LARP1: variants seen among roughly 807,000 people sequenced by gnomAD.
LARP1 encodes la-related protein 1.
In LARP1, 36 loss-of-function variants were observed where a neutral mutation model predicts 122.7. That is an observed-to-expected ratio of 0.29 (90% confidence interval 0.22 to 0.39). The LOEUF (loss-of-function observed/expected upper bound fraction) is 0.39, where lower values mean the gene tolerates loss of function less well. Among genes scored for constraint, LARP1 ranks in the 10% least tolerant of loss-of-function variants. The pLI is 1.00. For missense variants in LARP1, 1,040 were observed against 1,403.6 expected (o/e 0.74, Z 4.14); for synonymous variants, 539 against 528.7 (o/e 1.02, Z -0.27).
intron 1 of LARP1, 154 bp downstream of exon 1, chr5:154,756,347 GCCCT>G: frequency 1.1e-6 from 1 of 946,348 alleles, no homozygotes; most frequent in Non-Finnish European, 1.3e-6. Flanking sequence ...TGGTCGCCGC[GCCCT>G]CCCCCCCACC....
intron 1 of LARP1, among the ~76,000 whole-genome samples, chr5:154,714,031 C>T (rs142624763): frequency 9.8e-5 from 15 of 152,336 alleles, no homozygotes; most frequent in Middle Eastern, 3.4e-3. Context: ...CACTGACTAG[C>T]TCTGTGACCT....
intron 1 of LARP1, among the ~76,000 whole-genome samples, chr5:154,686,201 C>G (rs1190288489): frequency 2.6e-5 from 4 of 152,174 alleles, no homozygotes; most frequent in African/African-American, 9.7e-5. Flanking sequence ...AAAGCTAAGA[C>G]TCTTACTGAA....
At chr5:154,735,638 G>T (rs1229867308) in intron 1 of LARP1, among the ~76,000 whole-genome samples, 1 of 150,554 alleles carries the variant, frequency 6.6e-6, no homozygotes, top group Non-Finnish European at 1.5e-5. Flanking sequence ...GCGTGATCTC[G>T]GCTCATTGAA....
At chr5:154,715,741 A>C (rs1228437203) in intron 1 of LARP1, among the ~76,000 whole-genome samples, 1 of 152,170 alleles carries the variant, frequency 6.6e-6, no homozygotes, top group Non-Finnish European at 1.5e-5. Context: ...TTGGGGAAAA[A>C]ATAGATTTGA....
upstream of LARP1, among the ~76,000 whole-genome samples, chr5:154,708,379 T>G (rs1482842078): frequency 6.6e-6 from 1 of 152,142 alleles, no homozygotes; most frequent in African/African-American, 2.4e-5. Context: ...TGCAACCCAT[T>G]CTGTGTCACT....
rs533647679 is a variant in LARP1, at chr5:154,732,354, C to G, written c.205+19224C>G. ...TGTAATTTTGAGTGAGCTTATTTAC[C>G]TTTCTGAACTTCAGTCTTCTATCTG... On this transcript the variant is annotated intron_variant, in intron 1 of 18. Coordinates refer to the LARP1 transcript ENST00000336314. Among the ~76,000 whole-genome samples, 10 of 152,208 alleles carry G rather than the reference C, an allele frequency of 6.6e-5. No individual in the cohort carries two copies. In the South Asian group the frequency reaches 1.2e-3, roughly 19 times the overall value.
chr5:154,795,948 TATTA>T (rs1757743179), intron 8 of LARP1, among the ~76,000 whole-genome samples: 2 of 116,060 alleles, frequency 1.7e-5, no homozygotes, highest in African/African-American at 3.4e-5. Flanking sequence ...TATATTTATA[TATTA>T]TATATATTTT....
At chr5:154,689,152 C>A (rs1224874895) in intron 1 of LARP1, among the ~76,000 whole-genome samples, 1 of 151,774 alleles carries the variant, frequency 6.6e-6, no homozygotes. Context: ...AACCCCATGT[C>A]TACTAAAAAT....
chr5:154,772,980 CTTTTTTT>C (rs545991732), intron 1 of LARP1, among the ~76,000 whole-genome samples: 4 of 115,110 alleles, frequency 3.5e-5, no homozygotes, highest in Admixed American at 1.9e-4. Context: ...CGCACCTGGC[CTTTTTTT>C]TTTTTTTTTT....
intron 1 of LARP1, among the ~76,000 whole-genome samples, chr5:154,730,095 T>C (rs1228803737): frequency 6.6e-6 from 1 of 152,254 alleles, no homozygotes; most frequent in Admixed American, 6.5e-5. Flanking sequence ...ACACAAAATA[T>C]TATAACACCA....
chr5:154,713,180 G>A (rs767636299), intron 1 of LARP1: 2 of 1,514,802 alleles, frequency 1.3e-6, no homozygotes, highest in East Asian at 2.3e-5. Flanking sequence ...GCAGGGTGTG[G>A]TAGGAAGATC....
intron 16 of LARP1, among the ~76,000 whole-genome samples, chr5:154,809,982 C>CT (rs1453492681): frequency 6.6e-6 from 1 of 152,056 alleles, no homozygotes; most frequent in Non-Finnish European, 1.5e-5. Context: ...GCTGGGATTA[C>CT]TTTGTGAGCC....
chr5:154,698,585 G>A (rs1378517509), intron 1 of LARP1, among the ~76,000 whole-genome samples: 3 of 152,174 alleles, frequency 2.0e-5, no homozygotes, highest in Admixed American at 6.6e-5. Flanking sequence ...CGACAAGAGC[G>A]AGGCTGTGTC....
chr5:154,759,553 A>G (rs1055109016), intron 1 of LARP1, among the ~76,000 whole-genome samples: 4 of 152,028 alleles, frequency 2.6e-5, no homozygotes, highest in Admixed American at 6.6e-5. Flanking sequence ...TTTTGTAAAG[A>G]TTTTCTTTGG....
chr5:154,779,827 G>T (rs73276769), intron 1 of LARP1, among the ~76,000 whole-genome samples: 7,866 of 152,124 alleles, frequency 0.052, 358 homozygotes, highest in African/African-American at 0.13. Context: ...ATTCTCTAAA[G>T]GGGTGTGCTG....
At chr5:154,690,912 T>C (rs1754168283) in intron 1 of LARP1, among the ~76,000 whole-genome samples, 1 of 152,158 alleles carries the variant, frequency 6.6e-6, no homozygotes, top group Non-Finnish European at 1.5e-5. Flanking sequence ...CAGCCGCCGG[T>C]CCTCAGCCAC....
intron 1 of LARP1, among the ~76,000 whole-genome samples, chr5:154,684,378 G>T (rs990209248): frequency 6.6e-6 from 1 of 152,064 alleles, no homozygotes; most frequent in African/African-American, 2.4e-5. Flanking sequence ...GGGGACTATA[G>T]TAAGCTGTGT....
Position 154,811,563 on chromosome 5 carries a change from G to C in LARP1, c.3004G>C (p.Ala1002Pro). ...CTGGGCCTTCTTGAAATATTCCAAA[G>C]CCAAAAATTTGGACATTGACCCCAA... is the stretch of plus-strand genomic sequence containing the variant. Reference protein sequence around the residue: ...KFWAFLKYSKAKNLDIDPKLQ... With the variant: ...KFWAFLKYSKPKNLDIDPKLQ... The change falls in exon 18 of 19, where the codon GCC becomes CCC. Residue 1002 changes from alanine (A) to proline (P), a missense_variant. This residue lies in a region of LARP1 where 129 missense variants were observed against 160.8 expected (regional missense o/e 0.80). Transcript: ENST00000518297. The C allele has an allele frequency of 6.2e-7, 1 of 1,614,154 alleles. No homozygotes were observed. Among genetic ancestry groups the C allele is most frequent in the Non-Finnish European group, 8.5e-7 (1 of 1,180,036 alleles).
rs562428597 is a variant in LARP1 at position 154,749,037 on chromosome 5, G to C, written c.205+35907G>C. ...TTAAAGAAGTGATTGGTCCACTGTT[G>C]CTGGAGTGTAGGGTCTGTGCTGGAA... On this transcript the variant is annotated intron_variant, in intron 1 of 18. Transcript: ENST00000336314. 3.9e-5 allele frequency among the ~76,000 whole-genome samples: 6 copies of C among 152,330 alleles called. No individual in the cohort carries two copies. In the South Asian group the frequency reaches 1.2e-3, roughly 32 times the overall value.
Sources: gnomAD v4.1 joint callset for allele counts (sites outside exome capture counted in the v4.1 genomes callset) on GRCh38, gnomAD v4.1.1 for gene constraint, gnomAD v4.1.1 regional missense constraint, MANE v1.5 for transcripts, NCBI Gene and HGNC (gene_info 2026-07-23, HGNC 2026-07-21) for gene names.